The following RBFOX1 variants were observed in gnomAD, a reference collection of about 807,000 sequenced individuals.
The protein encoded by RBFOX1 is RNA binding fox-1 homolog 1, also known as RNA binding protein fox-1 homolog 1.
Under a neutral mutation model 57.7 loss-of-function variants are expected in RBFOX1, and 8 were observed. That is an observed-to-expected ratio of 0.14 (90% CI 0.08 to 0.25). The LOEUF (loss-of-function observed/expected upper bound fraction) is 0.25. RBFOX1 is among the 10% of genes least tolerant of loss of function. The pLI is 1.00. For synonymous variants in RBFOX1, 326 were observed against 222.4 expected, an observed-to-expected ratio of 1.47 and a Z score of -4.15; for missense variants, 611 against 548.5, an observed-to-expected ratio of 1.11 and a Z score of -1.14.
chr16:6,665,798 C>A (rs1325421763), intron 3 of RBFOX1, among the ~76,000 whole-genome samples: 1 of 151,862 alleles, frequency 6.6e-6, no homozygotes, highest in Admixed American at 6.6e-5. Context: ...TTATTGAATC[C>A]TTAGAAAGAT....
At chr16:7,229,686 C>T (rs1341596231) in intron 4 of RBFOX1, among the ~76,000 whole-genome samples, 2 of 37,868 alleles carry the variant, frequency 5.3e-5, no homozygotes, top group East Asian at 7.9e-4. Context: ...GGGAGAGAGA[C>T]GAAGGAAGAG....
intron 4 of RBFOX1, among the ~76,000 whole-genome samples, chr16:7,167,063 G>A (rs2079706268): frequency 7.6e-6 from 1 of 131,118 alleles, no homozygotes; most frequent in African/African-American, 2.9e-5. Context: ...TCAGCTCGCT[G>A]CAACCTCCGT....
chr16:5,967,288 T>C (rs1469232563), intron 4 of RBFOX1, among the ~76,000 whole-genome samples: 1 of 152,228 alleles, frequency 6.6e-6, no homozygotes, highest in Non-Finnish European at 1.5e-5. Context: ...TGAATAATTT[T>C]TATACTATGT....
At chr16:7,591,285 C>G (rs926911295) in intron 7 of RBFOX1, among the ~76,000 whole-genome samples, 7 of 152,166 alleles carry the variant, frequency 4.6e-5, no homozygotes, top group African/African-American at 1.7e-4. Context: ...TGCTCATCAA[C>G]AGCTCCCCTC....
chr16:5,339,597 C>T (rs958490203), intron 1 of RBFOX1, among the ~76,000 whole-genome samples: 1 of 147,618 alleles, frequency 6.8e-6, no homozygotes, highest in African/African-American at 2.5e-5. Context: ...ATTCTCCTTC[C>T]TCACCTTCCT....
chr16:7,003,252 A>C (rs2092993067), intron 3 of RBFOX1, among the ~76,000 whole-genome samples: 1 of 152,090 alleles, frequency 6.6e-6, no homozygotes, highest in African/African-American at 2.4e-5. Context: ...CAAGGTCAGC[A>C]GATCAAGACC....
Position 5,947,582 on chromosome 16 carries a change from C to G in RBFOX1, c.351+80247C>G, listed in dbSNP as rs1252529492. 1.3e-5 allele frequency among the ~76,000 whole-genome samples: 2 copies of G among 152,178 alleles called. No homozygotes were observed. Among genetic ancestry groups the G allele is most frequent in the Non-Finnish European group, 2.9e-5 (2 of 68,038 alleles). The stretch of plus-strand genomic sequence containing the variant: ...AAGCAATTCTCACATATCAGCCTCC[C>G]AAAGTGCTGGGATTACATGCATGAT... On this transcript the variant is annotated intron_variant, in intron 4 of 19. Transcript: ENST00000641259. The surrounding 1 kb of genome is among the most constrained non-coding windows in gnomAD (Gnocchi z 7.2).
chr16:6,973,167 C>T (rs2085970061), intron 3 of RBFOX1, among the ~76,000 whole-genome samples: 1 of 148,002 alleles, frequency 6.8e-6, no homozygotes, highest in African/African-American at 2.5e-5. Context: ...GAGACAAGGC[C>T]ATCAGCTTTG....
chr16:7,216,416 A>G (rs1281034304), intron 4 of RBFOX1, among the ~76,000 whole-genome samples: 2 of 152,120 alleles, frequency 1.3e-5, no homozygotes, highest in Admixed American at 6.6e-5. Flanking sequence ...GCACTTTGGG[A>G]GGCTGAGGGA....
intron 2 of RBFOX1, among the ~76,000 whole-genome samples, chr16:5,471,430 C>T (rs772230827): frequency 2.6e-4 from 39 of 152,084 alleles, no homozygotes; most frequent in Non-Finnish European, 3.8e-4. Flanking sequence ...CTTTTTCTCT[C>T]GGAGAGATGC....
At chr16:7,474,297 G>C (rs976869465) in intron 4 of RBFOX1, among the ~76,000 whole-genome samples, 24 of 151,966 alleles carry the variant, frequency 1.6e-4, no homozygotes, top group African/African-American at 4.3e-4. Context: ...ATGAAAAACA[G>C]AAAACAAACA....
At chr16:6,210,117 A>C (rs911778791) in intron 1 of RBFOX1, among the ~76,000 whole-genome samples, 1 of 151,964 alleles carries the variant, frequency 6.6e-6, no homozygotes, top group Non-Finnish European at 1.5e-5. Context: ...CAGGAGTTCG[A>C]GACCAGCCTG....
In RBFOX1 at chr16:6,958,676, C is replaced by G. The variant is rs567471642; in HGVS notation, c.-15-93381C>G. Among the ~76,000 whole-genome samples, 274 of 152,250 alleles carry G rather than the reference C, an allele frequency of 1.8e-3. 1 individual carries two copies. Among genetic ancestry groups the G allele is most frequent in the African/African-American group, 6.3e-3 (261 of 41,544 alleles). ...GAAATGGGAAGTTAATATGGAATTT[C>G]TAATTGGGGTCACATGCTAATGAAC... On this transcript the variant is annotated intron_variant, in intron 3 of 15. Transcript: ENST00000550418.
chr16:7,407,306 A>G (rs1432365460), intron 4 of RBFOX1, among the ~76,000 whole-genome samples: 1 of 152,116 alleles, frequency 6.6e-6, no homozygotes, highest in African/African-American at 2.4e-5. Context: ...TAGAGCTGCC[A>G]CTGCTAGGGA....
At chr16:5,781,420 G>A (rs1324702634) in intron 3 of RBFOX1, among the ~76,000 whole-genome samples, 4 of 152,164 alleles carry the variant, frequency 2.6e-5, no homozygotes, top group Admixed American at 2.0e-4. Context: ...TTACAATGTA[G>A]TAAGTAACTA....
rs573819125 is a variant in RBFOX1 at position 7,408,810 on chromosome 16, A to C, written c.28-109337A>C. On this transcript the variant is annotated intron_variant, in intron 4 of 15. Transcript: ENST00000550418. ...CCTTGTTGTGTTGTTACTACCGAAA[A>C]TGTCTCCAGATACTGCCATTGTCCC... 2.6e-5 allele frequency among the ~76,000 whole-genome samples: 4 copies of C among 152,088 alleles called. No homozygotes were observed. In the East Asian group the frequency reaches 5.8e-4, roughly 22 times the overall value.
At chr16:6,888,935 T>G (rs1346017092) in intron 3 of RBFOX1, among the ~76,000 whole-genome samples, 1 of 152,188 alleles carries the variant, frequency 6.6e-6, no homozygotes, top group African/African-American at 2.4e-5. Context: ...ATAGAAACCT[T>G]TAATCACTTA....
chr16:5,566,279 T>C (rs912569949), intron 2 of RBFOX1, among the ~76,000 whole-genome samples: 2 of 152,188 alleles, frequency 1.3e-5, no homozygotes, highest in African/African-American at 4.8e-5. Flanking sequence ...ATTAACATAG[T>C]TGGGCTGGCT....
intron 4 of RBFOX1, among the ~76,000 whole-genome samples, chr16:7,381,793 C>T (rs2097785794): frequency 1.3e-5 from 2 of 152,148 alleles, no homozygotes; most frequent in African/African-American, 4.8e-5. Context: ...GGTTTCTCCA[C>T]CTTGGCAGTG....
Sources: gnomAD v4.1 joint callset for allele counts (sites outside exome capture counted in the v4.1 genomes callset) on GRCh38, gnomAD v4.1.1 for gene constraint, Gnocchi (gnomAD v3.1) non-coding constraint, MANE v1.5 for transcripts, NCBI Gene and HGNC (gene_info 2026-07-23, HGNC 2026-07-21) for gene names.